The following UGT2A1 variants were observed in gnomAD, a reference collection of about 807,000 sequenced individuals.
UGT2A1 encodes the protein UDP glucuronosyltransferase family 2 member A1 complex locus, also known as UDP-glucuronosyltransferase 2A1.
A neutral mutation model predicts 45.4 loss-of-function variants in UGT2A1; 61 were observed. The observed-to-expected ratio is 1.34, with a 90% CI of 1.09 to 1.66. The LOEUF is 1.66. UGT2A1 is among the 40% of genes most tolerant of loss of function. The pLI is 0.00. For synonymous variants in UGT2A1, 229 were observed against 196.2 expected (o/e 1.17, Z -1.40); for missense variants, 649 against 574.3 (o/e 1.13, Z -1.33).
intron 4 of UGT2A1, chr4:69,596,172 T>C (rs568182059): frequency 2.9e-6 from 4 of 1,373,986 alleles, no homozygotes; most frequent in Non-Finnish European, 3.8e-6. Flanking sequence ...TTGATTTTCA[T>C]ATGGAAAGAA....
chr4:69,620,830 T>C (rs974019608), intron 3 of UGT2A1, among the ~76,000 whole-genome samples: 1 of 151,694 alleles, frequency 6.6e-6, no homozygotes, highest in Non-Finnish European at 1.5e-5. Flanking sequence ...AGCTCATAAA[T>C]AAGGCTACAC....
intron 3 of UGT2A1, among the ~76,000 whole-genome samples, chr4:69,627,513 G>C (rs1359592288): frequency 7.5e-6 from 1 of 132,574 alleles, no homozygotes; most frequent in Non-Finnish European, 1.6e-5. Flanking sequence ...GGAAGGAAAA[G>C]AAAGAAAGAA....
intron 3 of UGT2A1, among the ~76,000 whole-genome samples, chr4:69,635,133 A>T (rs1022781719): frequency 9.9e-5 from 15 of 152,204 alleles, no homozygotes; most frequent in African/African-American, 3.1e-4. Flanking sequence ...AAATAAAAAT[A>T]AATTTAAAAA....
chr4:69,611,930 A>T (rs1157192909), intron 3 of UGT2A1, among the ~76,000 whole-genome samples: 1 of 152,124 alleles, frequency 6.6e-6, no homozygotes, highest in East Asian at 1.9e-4. Flanking sequence ...TTACAAATAA[A>T]TTCCATTACA....
intron 2 of UGT2A1, chr4:69,638,869 G>A: frequency 2.6e-6 from 4 of 1,515,284 alleles, no homozygotes; most frequent in Non-Finnish European, 3.5e-6. Context: ...GGGATGTGGA[G>A]TCATTAAAAA....
At chr4:69,595,540 C>A (rs768400468) in intron 4 of UGT2A1, among the ~76,000 whole-genome samples, 40 of 152,090 alleles carry the variant, frequency 2.6e-4, no homozygotes, top group Admixed American at 3.3e-4. Flanking sequence ...CCAGTTTAAT[C>A]AATCACAACA....
At chr4:69,651,965 G>A (rs1051275288) in intron 1 of UGT2A1, among the ~76,000 whole-genome samples, 3 of 152,146 alleles carry the variant, frequency 2.0e-5, no homozygotes, top group Admixed American at 6.5e-5. Flanking sequence ...GAGGTTAAAC[G>A]GGGCACTTCA....
Position 69,589,149 on chromosome 4 carries a change from G to A in UGT2A1, c.*223C>T. On this transcript the variant is annotated 3_prime_UTR_variant, in exon 7 of 7. Coordinates refer to ENST00000286604, the MANE Select transcript of UGT2A1 (RefSeq NM_001252275.3). ...ACAGGAAGAGGGTATAGTCAGCAGG[G>A]AGAGACAAAGGAAAAATAGAAGACT... 1 of 451,838 alleles carries A rather than the reference G, an allele frequency of 2.2e-6. No individual in the cohort carries two copies. The highest frequency in any genetic ancestry group is 3.6e-6 in the Non-Finnish European group (1 of 279,452). The allele number at this position is 451,838 out of a possible 1,614,324, so 28.0% of individuals were successfully genotyped here.
intron 3 of UGT2A1, among the ~76,000 whole-genome samples, chr4:69,630,348 C>G (rs1469214858): frequency 1.3e-5 from 2 of 152,004 alleles, no homozygotes; most frequent in Admixed American, 6.6e-5. Flanking sequence ...CGTCTTTACT[C>G]TTTATAACTC....
chr4:69,603,893 G>A (rs979494785), intron 3 of UGT2A1, among the ~76,000 whole-genome samples: 1 of 136,210 alleles, frequency 7.3e-6, no homozygotes, highest in South Asian at 2.4e-4. Context: ...AACGAACAAA[G>A]CCTCCAAGAA....
chr4:69,615,586 GAAC>G (rs1270072433), intron 3 of UGT2A1, among the ~76,000 whole-genome samples: 1 of 151,828 alleles, frequency 6.6e-6, no homozygotes, highest in Non-Finnish European at 1.5e-5. Context: ...TTTCTCAAAA[GAAC>G]AACCAACAGG....
At chr4:69,604,417 GA>G (rs1314704854) in intron 3 of UGT2A1, among the ~76,000 whole-genome samples, 1 of 136,640 alleles carries the variant, frequency 7.3e-6, no homozygotes, top group Non-Finnish European at 1.6e-5. Context: ...GCTCCTGAAG[GA>G]AGCACTAAAC....
chr4:69,627,416 C>T (rs1465936519), intron 3 of UGT2A1, among the ~76,000 whole-genome samples: 1 of 150,138 alleles, frequency 6.7e-6, no homozygotes, highest in Non-Finnish European at 1.5e-5. Flanking sequence ...TAGATTATAA[C>T]AAAATTCCAA....
intron 3 of UGT2A1, among the ~76,000 whole-genome samples, chr4:69,620,394 A>G (rs1308903130): frequency 6.6e-6 from 1 of 152,028 alleles, no homozygotes; most frequent in Non-Finnish European, 1.5e-5. Flanking sequence ...CTAAAAAAGA[A>G]TAAAATGCCT....
chr4:69,593,967 C>CTTTTTTTTTTTTTTTTTTTTTTTTT lies in UGT2A1; in HGVS notation c.1304+509_1304+510insAAAAAAAAAAAAAAAAAAAAAAAAA, dbSNP rs200066453. Reference sequence around the variant, plus strand: ...AAAATATTGAAATAATATTTGAAGTCTTTTTTTTTGTTTGTTTTTTTTTTT... The same window carrying CTTTTTTTTTTTTTTTTTTTTTTTTT: ...AAAATATTGAAATAATATTTGAAGTCTTTTTTTTTTTTTTTTTTTTTTTTTTTTTTTTTTGTTTGTTTTTTTTTTT... On this transcript the variant is annotated intron_variant, in intron 6 of 6. Transcript: ENST00000286604. Among the ~76,000 whole-genome samples the CTTTTTTTTTTTTTTTTTTTTTTTTT allele has an allele frequency of 7.4e-5, 8 of 107,818 alleles. 2 individuals are homozygous for CTTTTTTTTTTTTTTTTTTTTTTTTT. The highest frequency in any genetic ancestry group is 1.4e-4 in the African/African-American group (4 of 28,582). 70.7% of individuals were successfully genotyped at this position (107,818 alleles called of 152,430 possible). A position where few individuals can be genotyped will look rare whatever the true frequency, so the allele number is the denominator to read the frequency against.
In UGT2A1 at chr4:69,614,972, GAGAA is replaced by G. The variant is rs1413103415; in HGVS notation, c.848-15582_848-15579del. Among the ~76,000 whole-genome samples the G allele has an allele frequency of 3.3e-5, 5 of 152,126 alleles. No individual in the cohort carries two copies. In the East Asian group the frequency reaches 7.8e-4, roughly 24 times the overall value. ...CACATCTTCACATGGTGGCAGGAGAGAGAAAGAGATAAGGGGAAATTGCTACACA... is the reference window on the plus strand; with the variant it reads ...CACATCTTCACATGGTGGCAGGAGAGAGAGATAAGGGGAAATTGCTACACA... On this transcript the variant is annotated intron_variant, in intron 3 of 6. Transcript: ENST00000286604.
At chr4:69,622,283 T>G (rs998697939) in intron 3 of UGT2A1, among the ~76,000 whole-genome samples, 4 of 151,806 alleles carry the variant, frequency 2.6e-5, no homozygotes, top group African/African-American at 9.6e-5. Flanking sequence ...AATAATATAA[T>G]GTATAACACC....
Position 69,594,590 on chromosome 4 carries a change from C to T in UGT2A1, c.1191G>A (p.Gln397=), listed in dbSNP as rs1304344649. 14 of 1,614,014 alleles carry T rather than the reference C, an allele frequency of 8.7e-6. No individual in the cohort carries two copies. The East Asian group carries it at 1.3e-4, about 15-fold the overall frequency. ...PMVGVPMFAD[Q]PDNIAHMKAK... Reference sequence around the variant, plus strand: ...CCTTCATGTGAGCAATGTTATCAGGCTGATCAGCAAACATGGGAACTCCCA... The same window carrying T: ...CCTTCATGTGAGCAATGTTATCAGGTTGATCAGCAAACATGGGAACTCCCA... Residue 397 remains glutamine (Q), a synonymous_variant, in exon 6 of 7, where the codon CAG becomes CAA. Coordinates refer to ENST00000286604, the MANE Select transcript of UGT2A1 (RefSeq NM_001252275.3).
rs754397285 is a variant in UGT2A1 at position 69,596,415 on chromosome 4, G to A, written c.997-1166C>T. 4.1e-6 allele frequency: 6 copies of A among 1,467,842 alleles called. No individual in the cohort carries two copies. In the Admixed American group the frequency reaches 1.1e-4, roughly 28 times the overall value. 90.9% of individuals were successfully genotyped at this position (1,467,842 alleles called of 1,614,324 possible). ...ATAATATATTTTCTATTACAAAGGTGTAGCATCATAAGAAAAAATAAGTTT... is the reference window on the plus strand; with the variant it reads ...ATAATATATTTTCTATTACAAAGGTATAGCATCATAAGAAAAAATAAGTTT... On this transcript the variant is annotated intron_variant, in intron 4 of 6. Coordinates refer to ENST00000286604, the MANE Select transcript of UGT2A1 (RefSeq NM_001252275.3).
Sources: gnomAD v4.1 joint callset for allele counts (sites outside exome capture counted in the v4.1 genomes callset) on GRCh38, gnomAD v4.1.1 for gene constraint, MANE v1.5 for transcripts, NCBI Gene and HGNC (gene_info 2026-07-23, HGNC 2026-07-21) for gene names.